The following NFIX variants were observed in gnomAD, a reference collection of about 807,000 sequenced individuals.
The protein encoded by NFIX is nuclear factor I X, also known as nuclear factor 1 X-type.
Under a neutral mutation model 53.3 loss-of-function variants are expected in NFIX, and 2 were observed. That is an observed-to-expected ratio of 0.04 (90% CI 0.02 to 0.12). The LOEUF is 0.12. NFIX is among the 10% of genes least tolerant of loss of function. The pLI, the probability that NFIX is intolerant of heterozygous loss-of-function variation, is 1.00. For missense variants in NFIX, 310 were observed against 674.5 expected (o/e 0.46, Z 5.99); for synonymous variants, 244 against 289.0 (o/e 0.84, Z 1.58).
chr19:13,070,775 G>A (rs930685097), intron 2 of NFIX: 2 of 152,342 alleles, frequency 1.3e-5, no homozygotes, highest in Non-Finnish European at 2.9e-5. Flanking sequence ...AGAGCTAATA[G>A]TAATAACAGC....
chr19:13,084,732 T>A (rs1377974488), intron 8 of NFIX, among the ~76,000 whole-genome samples: 2 of 152,048 alleles, frequency 1.3e-5, no homozygotes, highest in Admixed American at 6.6e-5. Context: ...AGTCTTACCA[T>A]CATTGTCTGA....
chr19:13,010,288 C>G (rs1396001616), intron 1 of NFIX, among the ~76,000 whole-genome samples: 1 of 152,226 alleles, frequency 6.6e-6, no homozygotes, highest in Admixed American at 6.5e-5. Context: ...GTGGTTACTC[C>G]CAAGGCGTGC....
Position 13,001,768 on chromosome 19 carries a change from T to C in NFIX, c.27+5904T>C, listed in dbSNP as rs1037080152. ...ACCCCACGGGCGCCTCTCCTGGGCA[T>C]TCCCTTGGCCTCCGAGCACCATGTG... On this transcript the variant is annotated intron_variant, in intron 1 of 10. Transcript: ENST00000592199. This position sits in a 1 kb window ranked among gnomAD's most constrained non-coding sequence, Gnocchi z 6.5. Among the ~76,000 whole-genome samples the C allele has an allele frequency of 1.3e-5, 2 of 152,192 alleles. No individual in the cohort carries two copies. Among genetic ancestry groups the C allele is most frequent in the African/African-American group, 4.8e-5 (2 of 41,456 alleles).
Position 12,995,792 on chromosome 19 carries a change from C to T in NFIX, c.-46C>T. 1.1e-6 allele frequency: 1 copy of T among 935,920 alleles called. No individual in the cohort carries two copies. Among genetic ancestry groups the T allele is most frequent in the South Asian group, 4.7e-5 (1 of 21,194 alleles). 58.0% of individuals were successfully genotyped at this position (935,920 alleles called of 1,614,324 possible). A position where few individuals can be genotyped will look rare whatever the true frequency, so the allele number is the denominator to read the frequency against. On this transcript the variant is annotated 5_prime_UTR_variant, in exon 1 of 11. Coordinates refer to ENST00000592199, the MANE Select transcript of NFIX (RefSeq NM_001365902.3). Reference sequence around the variant, plus strand: ...AGCGCGGCCGCCGCCTGCCGGGCCTCCCCTCGCCGCGGCCGGCCGCCGCGC... The same window carrying T: ...AGCGCGGCCGCCGCCTGCCGGGCCTTCCCTCGCCGCGGCCGGCCGCCGCGC...
At chr19:13,058,039 C>T (rs780455889) in intron 2 of NFIX, among the ~76,000 whole-genome samples, 1 of 152,070 alleles carries the variant, frequency 6.6e-6, no homozygotes, top group African/African-American at 2.4e-5. Context: ...ACAGCTGGAA[C>T]TGGCCCCACC....
chr19:13,075,686 G>T lies in NFIX; in HGVS notation c.955+15G>T. On this transcript the variant is annotated intron_variant, in intron 6 of 10. Transcript: ENST00000592199. Reference sequence around the variant, plus strand: ...TGTGGATGCAGGTATGGGTGCGGGGGATCCTGACCCAGAGCAAGGGCAGCC... The same window carrying T: ...TGTGGATGCAGGTATGGGTGCGGGGTATCCTGACCCAGAGCAAGGGCAGCC... 2 of 1,610,766 alleles carry T rather than the reference G, an allele frequency of 1.2e-6. No homozygotes were observed. Among genetic ancestry groups the T allele is most frequent in the Non-Finnish European group, 8.5e-7 (1 of 1,177,828 alleles).
rs975194027 is a variant in NFIX, at chr19:13,043,935, C to T, written c.559+18383C>T. 1.3e-5 allele frequency among the ~76,000 whole-genome samples: 2 copies of T among 151,866 alleles called. No homozygotes were observed. The highest frequency in any genetic ancestry group is 2.9e-5 in the Non-Finnish European group (2 of 67,994). ...AGCCCAGGAGTTCGAGCCTGGGCCA[C>T]GTAGCAAGACCCCCATCTCTATAAA... On this transcript the variant is annotated intron_variant, in intron 2 of 10. Coordinates refer to ENST00000592199, the MANE Select transcript of NFIX (RefSeq NM_001365902.3). The surrounding 1 kb of genome is among the most constrained non-coding windows in gnomAD (Gnocchi z 4.0).
rs960457635 is a variant in NFIX at position 13,095,665 on chromosome 19, C to T, written c.*1016C>T. 5 of 152,494 alleles carry T rather than the reference C, an allele frequency of 3.3e-5. No individual in the cohort carries two copies. Among genetic ancestry groups the T allele is most frequent in the East Asian group, 1.9e-4 (1 of 5,172 alleles). The allele number at this position is 152,494 out of a possible 1,614,324, so 9.4% of individuals were successfully genotyped here. On this transcript the variant is annotated 3_prime_UTR_variant, in exon 11 of 11. Transcript: ENST00000592199. ...CCGGAGGGTGGAGCAGAAAGGGGAC[C>T]CCGGAGCCGAGCGAGGAGGACCAGG...
intron 8 of NFIX, among the ~76,000 whole-genome samples, chr19:13,084,296 T>G (rs902208811): frequency 6.6e-6 from 1 of 151,950 alleles, no homozygotes; most frequent in Non-Finnish European, 1.5e-5. Flanking sequence ...TACAAAAAAT[T>G]AGCTGGACGT....
chr19:13,077,167 C>T (rs894803532), intron 6 of NFIX, among the ~76,000 whole-genome samples: 1 of 152,112 alleles, frequency 6.6e-6, no homozygotes, highest in African/African-American at 2.4e-5. Context: ...GCAGCTGGCT[C>T]CTGGGGCAAG....
chr19:13,055,339 T>C (rs374231479), intron 2 of NFIX, among the ~76,000 whole-genome samples: 147 of 151,298 alleles, frequency 9.7e-4, no homozygotes, highest in East Asian at 9.0e-3. Flanking sequence ...CTGCCTGCCC[T>C]TCCCCGAGGG....
chr19:13,006,105 T>C lies in NFIX; in HGVS notation c.27+10241T>C, dbSNP rs944718264. On this transcript the variant is annotated intron_variant, in intron 1 of 10. Transcript: ENST00000592199. The surrounding 1 kb of genome is among the most constrained non-coding windows in gnomAD (Gnocchi z 5.6). ...CCCCGGTGGGAGGGCAGACTGTGAA[T>C]CTGATAAACAAGGGAGTGTCCAGTC... Among the ~76,000 whole-genome samples, 13 of 152,230 alleles carry C rather than the reference T, an allele frequency of 8.5e-5. No homozygotes were observed. The highest frequency in any genetic ancestry group is 6.2e-4 in the South Asian group (3 of 4,824).
At chr19:13,059,887 G>A (rs1469781293) in intron 2 of NFIX, among the ~76,000 whole-genome samples, 4 of 147,930 alleles carry the variant, frequency 2.7e-5, no homozygotes, top group Non-Finnish European at 4.4e-5. Flanking sequence ...GGGCTCAAGC[G>A]ATTCTCTTGC....
rs1390955340 is a variant in NFIX at position 13,090,279 on chromosome 19, C to T, written c.1403-20C>T. On this transcript the variant is annotated intron_variant, in intron 9 of 10. Transcript: ENST00000592199. This position sits in a 1 kb window ranked among gnomAD's most constrained non-coding sequence, Gnocchi z 6.6. The stretch of plus-strand genomic sequence containing the variant: ...CCAAGGCCTGACAGGGTCTCTCCCT[C>T]TCTCCCCTGCTCCCCACAGCATTCG... 1.9e-6 allele frequency: 3 copies of T among 1,612,938 alleles called. No individual in the cohort carries two copies. The East Asian group carries it at 6.7e-5, about 36-fold the overall frequency.
At chr19:12,999,923 G>C (rs1166082692) in intron 1 of NFIX, among the ~76,000 whole-genome samples, 1 of 152,246 alleles carries the variant, frequency 6.6e-6, no homozygotes, top group African/African-American at 2.4e-5. Flanking sequence ...CTGCTGGGGT[G>C]GGAGGTGTGC....
In NFIX at chr19:13,073,838, G is replaced by GA; in HGVS notation, c.698-67dup. The GA allele has an allele frequency of 2.5e-6, 4 of 1,604,988 alleles. No homozygotes were observed. Among genetic ancestry groups the GA allele is most frequent in the Non-Finnish European group, 3.4e-6 (4 of 1,173,780 alleles). ...CCTGGGCTTCTGGGAAGCTGTTCAT[G>GA]ACAAAGAAACAGACCCCATCAGGCC... On this transcript the variant is annotated intron_variant, in intron 4 of 10. Coordinates refer to ENST00000592199, the MANE Select transcript of NFIX (RefSeq NM_001365902.3). The surrounding 1 kb of genome is among the most constrained non-coding windows in gnomAD (Gnocchi z 4.5).
rs187623153 is a variant in NFIX, at chr19:13,088,827, C to G, written c.1402+691C>G. ...GCTTTGGCTTACTTCATCTCTCTCT[C>G]TGTCTCTCTTTCTTTTCTTTTCTTT... On this transcript the variant is annotated intron_variant, in intron 9 of 10. Coordinates refer to ENST00000592199, the MANE Select transcript of NFIX (RefSeq NM_001365902.3). The surrounding 1 kb of genome is among the most constrained non-coding windows in gnomAD (Gnocchi z 5.9). Among the ~76,000 whole-genome samples the G allele has an allele frequency of 2.7e-3, 408 of 152,278 alleles. 1 individual carries two copies. The highest frequency in any genetic ancestry group is 6.8e-3 in the Middle Eastern group (2 of 294).
At chr19:13,087,284 C>T (rs74506208) in intron 8 of NFIX, among the ~76,000 whole-genome samples, 5 of 152,264 alleles carry the variant, frequency 3.3e-5, no homozygotes, top group East Asian at 3.9e-4. Flanking sequence ...TCCTGGCAGC[C>T]GAGCATCCAT....
rs751703213 is a variant in NFIX, at chr19:13,025,293, C to T, written c.300C>T (p.Pro100=). ...DFVLTITGKK[P]PCCVLSNPDQ... is the part of the protein sequence containing the mutation. ...TGCTGACCATCACGGGCAAGAAGCC[C>T]CCCTGCTGCGTGCTCTCCAACCCCG... Residue 100 remains proline (P), a synonymous_variant, in exon 2 of 11, where the codon CCC becomes CCT. Coordinates refer to ENST00000592199, the MANE Select transcript of NFIX (RefSeq NM_001365902.3). This position sits in a 1 kb window ranked among gnomAD's most constrained non-coding sequence, Gnocchi z 7.5. 5 of 1,614,082 alleles carry T rather than the reference C, an allele frequency of 3.1e-6. No individual in the cohort carries two copies. Among genetic ancestry groups the T allele is most frequent in the Middle Eastern group, 1.6e-4 (1 of 6,062 alleles).
Sources: allele counts gnomAD v4.1 joint callset (sites outside exome capture counted in the v4.1 genomes callset), GRCh38; gene constraint gnomAD v4.1.1; non-coding constraint Gnocchi (gnomAD v3.1); transcripts MANE v1.5; gene names NCBI Gene and HGNC (gene_info 2026-07-23, HGNC 2026-07-21).